NACC2: variants seen among roughly 807,000 people sequenced by gnomAD.
NACC2 encodes the protein nucleus accumbens-associated protein 2.
Under a neutral mutation model 25.1 loss-of-function variants are expected in NACC2, and 8 were observed. The observed-to-expected ratio is 0.32, with a 90% confidence interval of 0.19 to 0.57. The LOEUF (loss-of-function observed/expected upper bound fraction) is 0.57. NACC2 is among the 20% of genes least tolerant of loss of function. The pLI is 0.89. For missense variants in NACC2, 644 were observed against 650.2 expected (o/e 0.99, Z 0.10); for synonymous variants, 435 against 294.7 (o/e 1.48, Z -4.88).
chr9:136,045,643 T>C (rs955071971), intron 2 of NACC2, among the ~76,000 whole-genome samples: 2 of 152,226 alleles, frequency 1.3e-5, no homozygotes, highest in East Asian at 1.9e-4. Context: ...GCACTACCCC[T>C]TCCCTCTGCG....
intron 2 of NACC2, among the ~76,000 whole-genome samples, chr9:136,028,372 CTTCCT>C (rs1422212007): frequency 7.4e-6 from 1 of 135,624 alleles, no homozygotes; most frequent in African/African-American, 2.8e-5. Context: ...TTTGCCTTTG[CTTCCT>C]TTTTTTTTTT....
intron 1 of NACC2, among the ~76,000 whole-genome samples, chr9:136,065,058 AAATAT>A (rs980627856): frequency 2.0e-5 from 3 of 152,254 alleles, no homozygotes; most frequent in African/African-American, 7.2e-5. Flanking sequence ...AATTAACTTA[AAATAT>A]TTCAAAGACC....
chr9:136,094,614 G>A (rs540357322), intron 1 of NACC2, among the ~76,000 whole-genome samples: 2 of 152,228 alleles, frequency 1.3e-5, no homozygotes, highest in Non-Finnish European at 2.9e-5. Flanking sequence ...TTTCTCCCCA[G>A]GCTGGGGCCC....
At chr9:136,053,628 G>A (rs1356005987) in intron 1 of NACC2, among the ~76,000 whole-genome samples, 2 of 152,206 alleles carry the variant, frequency 1.3e-5, no homozygotes, top group African/African-American at 4.8e-5. Context: ...TACAAGAGAG[G>A]GGCCTGTGCA....
rs1011635346 is a variant in NACC2, at chr9:136,084,755, G to A, written c.-60+10434C>T. ...CACACACACATACATCACGCAGCCT[G>A]GAGAAGGGACGGGCTCCGCCACTCC... On this transcript the variant is annotated intron_variant, in intron 1 of 5. Transcript: ENST00000277554. This position sits in a 1 kb window ranked among gnomAD's most constrained non-coding sequence, Gnocchi z 5.1. Among the ~76,000 whole-genome samples, 2 of 152,250 alleles carry A rather than the reference G, an allele frequency of 1.3e-5. No homozygotes were observed. Among genetic ancestry groups the A allele is most frequent in the African/African-American group, 4.8e-5 (2 of 41,462 alleles).
At position 136,011,203 on chromosome 9, in the gene NACC2, A is replaced by C; in HGVS notation, c.*313T>G. 3 of 204,616 alleles carry C rather than the reference A, an allele frequency of 1.5e-5. No homozygotes were observed. The highest frequency in any genetic ancestry group is 2.9e-5 in the Non-Finnish European group (3 of 103,328). The allele number at this position is 204,616 out of a possible 1,614,324, so 12.7% of individuals were successfully genotyped here. ...CAGGGAGGAAGGGGCAGGGCTGGGC[A>C]CCAGGGGCCTGGCGGCCTCCCACCC... is the stretch of plus-strand genomic sequence containing the variant. On this transcript the variant is annotated 3_prime_UTR_variant, in exon 6 of 6. Coordinates refer to ENST00000277554, the MANE Select transcript of NACC2 (RefSeq NM_144653.5).
At chr9:136,024,502 A>AGT (rs752059608) in intron 2 of NACC2, among the ~76,000 whole-genome samples, 2 of 23,010 alleles carry the variant, frequency 8.7e-5, no homozygotes, top group African/African-American at 1.4e-4. Context: ...GTGAGGACAG[A>AGT]ATGTGTGTGT....
chr9:136,068,129 G>C (rs2131176157), intron 1 of NACC2, among the ~76,000 whole-genome samples: 1 of 152,280 alleles, frequency 6.6e-6, no homozygotes, highest in East Asian at 1.9e-4. Context: ...TGAAGGACTG[G>C]GATATTACTA....
chr9:136,042,194 G>T (rs1296322306), intron 2 of NACC2, among the ~76,000 whole-genome samples: 2 of 152,120 alleles, frequency 1.3e-5, no homozygotes, highest in African/African-American at 2.4e-5. Context: ...CACCATGTTG[G>T]CAAGGCTGGT....
chr9:136,043,070 C>T (rs2131156300), intron 2 of NACC2, among the ~76,000 whole-genome samples: 1 of 152,146 alleles, frequency 6.6e-6, no homozygotes, highest in South Asian at 2.1e-4. Context: ...TTTAGGTAGA[C>T]AAGGATTTCT....
intron 2 of NACC2, among the ~76,000 whole-genome samples, chr9:136,023,045 GGAAGGA>G (rs1840316331): frequency 9.6e-6 from 1 of 104,250 alleles, no homozygotes; most frequent in African/African-American, 3.9e-5. Context: ...AAGGAGGGAG[GGAAGGA>G]GGGAGGAAGG....
chr9:136,076,987 C>T (rs545591052), intron 1 of NACC2, among the ~76,000 whole-genome samples: 7 of 152,006 alleles, frequency 4.6e-5, no homozygotes, highest in South Asian at 4.2e-4. Context: ...GCCTGGGCGA[C>T]AGAGCGAGAC....
At position 136,013,182 on chromosome 9, in the gene NACC2, G is replaced by A. The variant is rs778216406; in HGVS notation, c.1255+17C>T. Reference sequence around the variant, plus strand: ...CAGCCCCGGCCCCACCCACCCGAGAGACCCCCAGGCTCTTACATTTCACAG... The same window carrying A: ...CAGCCCCGGCCCCACCCACCCGAGAAACCCCCAGGCTCTTACATTTCACAG... On this transcript the variant is annotated intron_variant, in intron 5 of 5. Coordinates refer to ENST00000277554, the MANE Select transcript of NACC2 (RefSeq NM_144653.5). The surrounding 1 kb of genome is among the most constrained non-coding windows in gnomAD (Gnocchi z 6.6). 29 of 888,282 alleles carry A rather than the reference G, an allele frequency of 3.3e-5. 1 individual carries two copies. The highest frequency in any genetic ancestry group is 3.0e-4 in the South Asian group (23 of 76,230). The allele number at this position is 888,282 out of a possible 1,614,324, so 55.0% of individuals were successfully genotyped here.
intron 2 of NACC2, among the ~76,000 whole-genome samples, chr9:136,039,265 TTCTATG>T (rs1840595965): frequency 6.6e-6 from 1 of 152,220 alleles, no homozygotes; most frequent in Non-Finnish European, 1.5e-5. Context: ...ATCCTAATAG[TTCTATG>T]TCTAAAGTAA....
At chr9:136,085,109 G>A (rs542559427) in intron 1 of NACC2, among the ~76,000 whole-genome samples, 1 of 146,936 alleles carries the variant, frequency 6.8e-6, no homozygotes, top group Non-Finnish European at 1.5e-5. Context: ...TTATAGCCTG[G>A]GCAACATAGG....
rs1438225559 is a variant in NACC2, at chr9:136,086,323, T to G, written c.-60+8866A>C. 2.0e-5 allele frequency among the ~76,000 whole-genome samples: 3 copies of G among 151,970 alleles called. No individual in the cohort carries two copies. Among genetic ancestry groups the G allele is most frequent in the Non-Finnish European group, 4.4e-5 (3 of 67,944 alleles). On this transcript the variant is annotated intron_variant, in intron 1 of 5. Coordinates refer to ENST00000277554, the MANE Select transcript of NACC2 (RefSeq NM_144653.5). This position sits in a 1 kb window ranked among gnomAD's most constrained non-coding sequence, Gnocchi z 5.6. ...CCTCCCACTCAGAGCTGGGAGGGGT[T>G]TGGGGGGTGGGGGTGCCTCTGTTTT...
At chr9:136,060,163 G>A (rs1840988122) in intron 1 of NACC2, among the ~76,000 whole-genome samples, 1 of 152,246 alleles carries the variant, frequency 6.6e-6, no homozygotes, top group Non-Finnish European at 1.5e-5. Context: ...AATCCTAGGG[G>A]CCAAATGAAA....
Position 136,014,052 on chromosome 9 carries a change from GGGGGGAGGTGGA to G in NACC2, c.1052-95_1052-84del. On this transcript the variant is annotated intron_variant, in intron 3 of 5. Coordinates refer to ENST00000277554, the MANE Select transcript of NACC2 (RefSeq NM_144653.5). The stretch of plus-strand genomic sequence containing the variant: ...AGGCGCACAGATGGGTGAGGGGGAG[GGGGGGAGGTGGA>G]GGGGGAGGAGGAGCTGGAAGCTTCT... 5.8e-6 allele frequency: 4 copies of G among 684,522 alleles called. 2 individuals carry two copies. The allele number at this position is 684,522 out of a possible 1,614,324, so 42.4% of individuals were successfully genotyped here.
rs1840034005 is a variant in NACC2, at chr9:136,007,436, C to CA, written c.*4079dup. On this transcript the variant is annotated 3_prime_UTR_variant, in exon 6 of 6. Transcript: ENST00000277554. Reference sequence around the variant, plus strand: ...ACAGACGCGCGTGCACACATACACACAGACGCGCACACACACGCGCACACA... The same window carrying CA: ...ACAGACGCGCGTGCACACATACACACAAGACGCGCACACACACGCGCACACA... 7.8e-6 allele frequency: 1 copy of CA among 127,614 alleles called. No individual in the cohort carries two copies. The highest frequency in any genetic ancestry group is 3.3e-5 in the African/African-American group (1 of 30,160). 7.9% of individuals were successfully genotyped at this position (127,614 alleles called of 1,614,324 possible). A position where few individuals can be genotyped will look rare whatever the true frequency, so the allele number is the denominator to read the frequency against.
Sources: gnomAD v4.1 joint callset for allele counts (sites outside exome capture counted in the v4.1 genomes callset) on GRCh38, gnomAD v4.1.1 for gene constraint, Gnocchi (gnomAD v3.1) non-coding constraint, MANE v1.5 for transcripts, NCBI Gene and HGNC (gene_info 2026-07-23, HGNC 2026-07-21) for gene names.